Variants in VGLL1 observed in about 807,000 individuals in gnomAD.
The protein encoded by VGLL1 is vestigial like family member 1.
Under a neutral mutation model 12.0 loss-of-function variants are expected in VGLL1, and 4 were observed. That is an observed-to-expected ratio of 0.33 (90% CI 0.16 to 0.76). The LOEUF (loss-of-function observed/expected upper bound fraction) is 0.76, where lower values mean the gene tolerates loss of function less well. Ranked by LOEUF, VGLL1 falls within the 30% of genes least tolerant of loss-of-function variation. VGLL1 has a pLI of 0.60. For missense variants in VGLL1, 204 were observed against 208.7 expected, an observed-to-expected ratio of 0.98 and a Z score of 0.14; for synonymous variants, 87 against 81.2, an observed-to-expected ratio of 1.07 and a Z score of -0.39.
chrX:136,536,304 TG>T lies in VGLL1; in HGVS notation c.214+71del, dbSNP rs1216660607. On this transcript the variant is annotated intron_variant, in intron 2 of 4. Coordinates refer to ENST00000370634, the MANE Select transcript of VGLL1 (RefSeq NM_016267.4). ...TGCCACGGATACACCAGTTCTTTGA[TG>T]TACTTGACACACTTGGACACTTATA... 24 of 1,046,974 alleles carry T rather than the reference TG, an allele frequency of 2.3e-5. No individual in the cohort carries two copies. The African/African-American group carries it at 4.5e-4, about 20-fold the overall frequency. The allele number at this position is 1,046,974 out of a possible 1,213,427, so 86.3% of individuals were successfully genotyped here. A position where few individuals can be genotyped will look rare whatever the true frequency, so the allele number is the denominator to read the frequency against.
intron 4 of VGLL1, among the ~76,000 whole-genome samples, chrX:136,553,749 A>G (rs1360966132): frequency 8.9e-6 from 1 of 112,224 alleles, no homozygotes; most frequent in Non-Finnish European, 1.9e-5. Flanking sequence ...GAAGGGAGGC[A>G]GAGTCTCCTC....
Position 136,532,309 on chromosome X carries a change from G to C in VGLL1, c.-26+13G>C. The C allele has an allele frequency of 8.9e-6, 1 of 111,907 alleles. No homozygotes were observed. The allele number at this position is 111,907 out of a possible 1,213,427, so 9.2% of individuals were successfully genotyped here. A position where few individuals can be genotyped will look rare whatever the true frequency, so the allele number is the denominator to read the frequency against. On this transcript the variant is annotated intron_variant, in intron 1 of 4. Transcript: ENST00000370634. Reference sequence around the variant, plus strand: ...CCAGAATTAAGAGGTAAGAGAATCTGGGGATTTTTTTGGGGGGAGAAGCAA... The same window carrying C: ...CCAGAATTAAGAGGTAAGAGAATCTCGGGATTTTTTTGGGGGGAGAAGCAA...
At chrX:136,550,977 A>T in intron 4 of VGLL1, 156 bp downstream of exon 4, 1 of 477,543 alleles carries the variant, frequency 2.1e-6, no homozygotes, top group Non-Finnish European at 3.6e-6. Flanking sequence ...CAGTGTTTTC[A>T]TAGATAGAAT....
intron 2 of VGLL1, 43 bp downstream of exon 2, chrX:136,536,277 G>A: frequency 1.7e-6 from 2 of 1,147,446 alleles, no homozygotes; most frequent in Non-Finnish European, 2.4e-6. Flanking sequence ...CCCTATCAAG[G>A]CTGCCACGGA....
chrX:136,544,583 G>A (rs978431777), intron 2 of VGLL1, among the ~76,000 whole-genome samples: 3 of 112,278 alleles, frequency 2.7e-5, no homozygotes, highest in Non-Finnish European at 3.8e-5. Context: ...ACCATTCTGG[G>A]TCTCGATTTT....
chrX:136,539,229 G>A (rs759278800), intron 2 of VGLL1, among the ~76,000 whole-genome samples: 7 of 111,892 alleles, frequency 6.3e-5, no homozygotes, highest in Non-Finnish European at 1.3e-4. Context: ...CTACTTGCCT[G>A]GTAAAACCCA....
rs1485716392 is a variant in VGLL1, at chrX:136,548,709, T to C, written c.335T>C (p.Val112Ala). The C allele has an allele frequency of 1.7e-6, 2 of 1,210,419 alleles. No individual in the cohort carries two copies. Among genetic ancestry groups the C allele is most frequent in the African/African-American group, 3.5e-5 (2 of 57,242 alleles). ...TTGCATGTGCCTGGTCCCATGGCTG[T>C]GAATCAGTTCTCACCGTCCCTGGCT... ...CNLHVPGPMAVNQFSPSLARR... is the reference protein window; with the variant it reads ...CNLHVPGPMAANQFSPSLARR... The change falls in exon 3 of 5, where the codon GTG becomes GCG. Residue 112 changes from valine to alanine, a missense_variant. Transcript: ENST00000370634.
In VGLL1 at chrX:136,536,112, C is replaced by A. The variant is rs1182557771; in HGVS notation, c.92C>A (p.Thr31Asn). Residue 31 changes from threonine (T) to asparagine (N), a missense_variant, in exon 2 of 5, where the codon ACC becomes AAC. Transcript: ENST00000370634. ...TEWNSRCVLFTYFQGDISSVV... is the reference protein window; with the variant it reads ...TEWNSRCVLFNYFQGDISSVV... ...TGGAATTCCCGGTGTGTCCTTTTCACCTACTTCCAAGGGGACATCAGCAGC... is the reference window on the plus strand; with the variant it reads ...TGGAATTCCCGGTGTGTCCTTTTCAACTACTTCCAAGGGGACATCAGCAGC... 3.3e-6 allele frequency: 4 copies of A among 1,211,643 alleles called. No homozygotes were observed. Among genetic ancestry groups the A allele is most frequent in the Non-Finnish European group, 4.5e-6 (4 of 895,439 alleles).
At chrX:136,542,840 A>G (rs1297426033) in intron 2 of VGLL1, among the ~76,000 whole-genome samples, 1 of 111,463 alleles carries the variant, frequency 9.0e-6, no homozygotes, top group Non-Finnish European at 1.9e-5. Flanking sequence ...AGGATTTAAT[A>G]CCTATAAGGA....
intron 2 of VGLL1, among the ~76,000 whole-genome samples, chrX:136,539,098 C>T (rs1459359009): frequency 8.9e-6 from 1 of 111,859 alleles, no homozygotes; most frequent in East Asian, 2.8e-4. Flanking sequence ...GCAGTTAATA[C>T]ACAGACAAGT....
chrX:136,537,494 G>T (rs1361474187), intron 2 of VGLL1, among the ~76,000 whole-genome samples: 2 of 112,000 alleles, frequency 1.8e-5, no homozygotes, highest in African/African-American at 6.5e-5. Context: ...GTTAAATGCT[G>T]GGTTTACTGC....
chrX:136,552,747 A>G, intron 4 of VGLL1, among the ~76,000 whole-genome samples: 1 of 112,345 alleles, frequency 8.9e-6, no homozygotes, highest in East Asian at 2.8e-4. Context: ...CACAGCAGCA[A>G]GTGGCAGATG....
At chrX:136,550,937 G>T (rs774729528) in intron 4 of VGLL1, 116 bp downstream of exon 4, 1 of 621,666 alleles carries the variant, frequency 1.6e-6, no homozygotes, top group Admixed American at 2.8e-5. Context: ...AGAGTCTCCA[G>T]TAATGGACGG....
In VGLL1 at chrX:136,548,860, T is replaced by C. The variant is rs749852714; in HGVS notation, c.486T>C (p.Asp162=). The C allele has an allele frequency of 5.0e-6, 6 of 1,212,018 alleles. No individual in the cohort carries two copies. The highest frequency in any genetic ancestry group is 5.6e-6 in the Non-Finnish European group (5 of 895,574). The change falls in exon 3 of 5, where the codon GAT becomes GAC. Residue 162 remains aspartate (D), a synonymous_variant. Coordinates refer to ENST00000370634, the MANE Select transcript of VGLL1 (RefSeq NM_016267.4). ...ARHLVPEPQP[D]GKREPLLSLL... is the part of the protein sequence containing the mutation. ...ACCTGGTTCCAGAGCCCCAGCCTGA[T>C]GGGAAACGTGAGCCTCTCCTAAGTC... is the stretch of plus-strand genomic sequence containing the variant.
chrX:136,539,259 CTT>C (rs2075849334), intron 2 of VGLL1, among the ~76,000 whole-genome samples: 1 of 112,085 alleles, frequency 8.9e-6, no homozygotes, highest in African/African-American at 3.2e-5. Context: ...AAAACCAACT[CTT>C]GGCCTATTGC....
intron 2 of VGLL1, among the ~76,000 whole-genome samples, chrX:136,538,283 A>G (rs1276933244): frequency 1.8e-5 from 2 of 112,431 alleles, no homozygotes; most frequent in African/African-American, 3.2e-5. Flanking sequence ...TAAAAGTTAC[A>G]TTTTATGACT....
At chrX:136,549,079 G>A (rs1303126528) in intron 3 of VGLL1, 71 bp downstream of exon 3, 3 of 1,070,729 alleles carry the variant, frequency 2.8e-6, no homozygotes, top group African/African-American at 3.7e-5. Flanking sequence ...GTTGGCATGA[G>A]ATGAGGTGCC....
chrX:136,556,661 C>A lies in VGLL1; in HGVS notation c.*122C>A. 1.6e-6 allele frequency: 1 copy of A among 611,368 alleles called. No homozygotes were observed. Among genetic ancestry groups the A allele is most frequent in the South Asian group, 2.8e-5 (1 of 35,975 alleles). The allele number at this position is 611,368 out of a possible 1,213,427, so 50.4% of individuals were successfully genotyped here. A position where few individuals can be genotyped will look rare whatever the true frequency, so the allele number is the denominator to read the frequency against. On this transcript the variant is annotated 3_prime_UTR_variant, in exon 5 of 5. Transcript: ENST00000370634. ...CTTGCCTCCCCAATCTGTTAAACAG[C>A]TTCGTGTCTAGTATGAGCTCAGTAC...
At chrX:136,548,535 T>C (rs957785507) in intron 2 of VGLL1, 54 bp from the exon 3 acceptor site, 1 of 1,117,320 alleles carries the variant, frequency 8.9e-7, no homozygotes, top group South Asian at 2.1e-5. Flanking sequence ...AAAAACTACA[T>C]CCATTTTGAA....
Sources: allele counts gnomAD v4.1 joint callset (sites outside exome capture counted in the v4.1 genomes callset), GRCh38; gene constraint gnomAD v4.1.1; transcripts MANE v1.5; gene names NCBI Gene and HGNC (gene_info 2026-07-23, HGNC 2026-07-21).